GAS2: variants seen among roughly 807,000 people sequenced by gnomAD.
GAS2 encodes the protein growth arrest specific 2.
Under a neutral mutation model 37.5 loss-of-function variants are expected in GAS2, and 20 were observed. The ratio of observed to expected loss-of-function variants is 0.53; its 90% CI spans 0.37 to 0.77. The LOEUF is 0.77. GAS2 is among the 30% of genes least tolerant of loss of function. The pLI is 0.00. For missense variants in GAS2, 336 were observed against 373.4 expected (o/e 0.90, Z 0.82); for synonymous variants, 144 against 132.2 (o/e 1.09, Z -0.61).
chr11:22,717,794 A>G (rs1324483303), intron 3 of GAS2, among the ~76,000 whole-genome samples: 2 of 151,846 alleles, frequency 1.3e-5, no homozygotes, highest in African/African-American at 4.8e-5. Context: ...AGAATATCCC[A>G]TCAAACAGTG....
chr11:22,715,460 C>CAAAAAAAAA (rs1192862614), intron 3 of GAS2, among the ~76,000 whole-genome samples: 8 of 41,736 alleles, frequency 1.9e-4, no homozygotes, highest in African/African-American at 6.3e-4. Flanking sequence ...GACTCTGTCT[C>CAAAAAAAAA]AAAAAAAAAA....
intron 1 of GAS2, among the ~76,000 whole-genome samples, chr11:22,653,890 TACTC>T (rs1848826541): frequency 2.0e-5 from 3 of 152,188 alleles, no homozygotes; most frequent in Admixed American, 6.5e-5. Flanking sequence ...CACCCTATTC[TACTC>T]ACTCTTAGGG....
At chr11:22,742,623 G>A (rs1440144153) in intron 5 of GAS2, among the ~76,000 whole-genome samples, 1 of 151,972 alleles carries the variant, frequency 6.6e-6, no homozygotes, top group Non-Finnish European at 1.5e-5. Flanking sequence ...ACTTAGTGTT[G>A]ATTTTTTATG....
chr11:22,673,159 C>A (rs531733724), intron 1 of GAS2, among the ~76,000 whole-genome samples: 11 of 152,094 alleles, frequency 7.2e-5, no homozygotes, highest in Admixed American at 2.0e-4. Context: ...CTCATACTCC[C>A]AACAGTCTTT....
intron 5 of GAS2, among the ~76,000 whole-genome samples, 161 bp from the exon 6 acceptor site, chr11:22,748,959 G>C (rs893035317): frequency 5.9e-5 from 9 of 152,022 alleles, no homozygotes; most frequent in Admixed American, 1.3e-4. Flanking sequence ...TGCTTAGAAG[G>C]ATGCTAATTC....
At chr11:22,632,140 T>C (rs566362020) in intron 1 of GAS2, among the ~76,000 whole-genome samples, 57 of 152,202 alleles carry the variant, frequency 3.7e-4, no homozygotes, top group Non-Finnish European at 7.6e-4. Context: ...TGAAGGATAT[T>C]TTTTATTTCT....
chr11:22,669,980 A>G (rs2133866923), intron 1 of GAS2, among the ~76,000 whole-genome samples: 1 of 152,344 alleles, frequency 6.6e-6, no homozygotes, highest in South Asian at 2.1e-4. Context: ...GAATCACAAA[A>G]GAGTGAAGAA....
At chr11:22,760,078 C>T (rs1176186838) in intron 7 of GAS2, among the ~76,000 whole-genome samples, 1 of 152,178 alleles carries the variant, frequency 6.6e-6, no homozygotes, top group African/African-American at 2.4e-5. Flanking sequence ...GTGACACAGC[C>T]TCCCAAGTAA....
At chr11:22,638,347 AT>A (rs764707083) in intron 1 of GAS2, among the ~76,000 whole-genome samples, 562 of 142,086 alleles carry the variant, frequency 4.0e-3, no homozygotes, top group African/African-American at 5.8e-3. Context: ...TATTATTACA[AT>A]TTTTTTTTTT....
chr11:22,693,704 A>C (rs1455169657), intron 3 of GAS2, among the ~76,000 whole-genome samples: 1 of 152,204 alleles, frequency 6.6e-6, no homozygotes, highest in Admixed American at 6.5e-5. Context: ...GGTTTAGGTA[A>C]AAAATCTAAC....
chr11:22,792,903 C>T (rs1306422150), intron 7 of GAS2, among the ~76,000 whole-genome samples: 3 of 152,146 alleles, frequency 2.0e-5, no homozygotes, highest in Non-Finnish European at 4.4e-5. Flanking sequence ...TAAAGGAAGA[C>T]TTTGGAATTC....
intron 7 of GAS2, among the ~76,000 whole-genome samples, chr11:22,767,052 T>TC (rs1330377919): frequency 1.3e-5 from 2 of 152,214 alleles, no homozygotes; most frequent in African/African-American, 4.8e-5. Context: ...TAACATTTTT[T>TC]CTTAACTGTT....
At chr11:22,779,195 T>G (rs1046237372) in intron 7 of GAS2, among the ~76,000 whole-genome samples, 5 of 152,146 alleles carry the variant, frequency 3.3e-5, no homozygotes, top group Admixed American at 1.3e-4. Flanking sequence ...TCTTGGAATT[T>G]TTTTCTTCAT....
intron 3 of GAS2, among the ~76,000 whole-genome samples, chr11:22,704,978 G>GTC (rs1490590630): frequency 6.6e-6 from 1 of 152,014 alleles, no homozygotes; most frequent in Non-Finnish European, 1.5e-5. Context: ...CATTTACTAA[G>GTC]TATTTACTTC....
chr11:22,762,997 T>C (rs1397202708), intron 7 of GAS2, among the ~76,000 whole-genome samples: 1 of 152,150 alleles, frequency 6.6e-6, no homozygotes. Flanking sequence ...TAAAATAATA[T>C]GAAATTCCAT....
intron 3 of GAS2, among the ~76,000 whole-genome samples, chr11:22,718,019 G>T (rs1304856076): frequency 1.3e-5 from 2 of 152,020 alleles, no homozygotes; most frequent in African/African-American, 2.4e-5. Context: ...TTTACTGCTG[G>T]TGGGAAATTA....
intron 7 of GAS2, among the ~76,000 whole-genome samples, chr11:22,757,080 C>CAG (rs747528987): frequency 2.6e-5 from 4 of 152,196 alleles, no homozygotes; most frequent in Non-Finnish European, 5.9e-5. Context: ...AGAATCAAAA[C>CAG]AGAGAGAGTC....
At chr11:22,728,455 A>G (rs1852315603) in intron 4 of GAS2, among the ~76,000 whole-genome samples, 1 of 151,874 alleles carries the variant, frequency 6.6e-6, no homozygotes, top group African/African-American at 2.4e-5. Context: ...TTATGTCAGG[A>G]AGAACTTTTA....
intron 2 of GAS2, among the ~76,000 whole-genome samples, chr11:22,678,618 A>T (rs1487106442): frequency 1.3e-5 from 2 of 152,020 alleles, no homozygotes; most frequent in African/African-American, 2.4e-5. Flanking sequence ...TATTTCTAGT[A>T]TGCTTGTCTA....
Sources: allele counts gnomAD v4.1 joint callset (sites outside exome capture counted in the v4.1 genomes callset), GRCh38; gene constraint gnomAD v4.1.1; transcripts MANE v1.5; gene names NCBI Gene and HGNC (gene_info 2026-07-23, HGNC 2026-07-21).